The following PCDHA1 variants were observed in gnomAD, a reference collection of about 807,000 sequenced individuals.
The protein encoded by PCDHA1 is protocadherin alpha-1.
Under a neutral mutation model 61.3 loss-of-function variants are expected in PCDHA1, and 42 were observed. The observed-to-expected ratio is 0.69, with a 90% CI of 0.54 to 0.89. The LOEUF (loss-of-function observed/expected upper bound fraction) is 0.89. Ranked by LOEUF, PCDHA1 falls within the 40% of genes least tolerant of loss-of-function variation. PCDHA1 has a pLI of 0.00. For missense variants in PCDHA1, 1,256 were observed against 1,235.3 expected (o/e 1.02, Z -0.25); for synonymous variants, 610 against 553.8 (o/e 1.10, Z -1.43).
chr5:141,002,656 C>T lies in PCDHA1; in HGVS notation c.2543-6971C>T, dbSNP rs115710244. Among the ~76,000 whole-genome samples the T allele has an allele frequency of 3.7e-3, 571 of 152,302 alleles. 5 individuals are homozygous for T. The highest frequency in any genetic ancestry group is 0.013 in the African/African-American group (539 of 41,574). On this transcript the variant is annotated intron_variant, in intron 3 of 3. Coordinates refer to ENST00000504120, the MANE Select transcript of PCDHA1 (RefSeq NM_018900.4). The stretch of plus-strand genomic sequence containing the variant: ...CTAGAAATGTCTACTTCATAGGGCT[C>T]TTGTCAGGACCAAAACCTATACGAC...
Position 140,920,646 on chromosome 5 carries a change from C to T in PCDHA1, c.2395-58303C>T, listed in dbSNP as rs1210828369. Among the ~76,000 whole-genome samples, 4 of 152,014 alleles carry T rather than the reference C, an allele frequency of 2.6e-5. No individual in the cohort carries two copies. In the South Asian group the frequency reaches 8.3e-4, roughly 32 times the overall value. On this transcript the variant is annotated intron_variant, in intron 1 of 3. Coordinates refer to ENST00000504120, the MANE Select transcript of PCDHA1 (RefSeq NM_018900.4). ...GGATCACAAGGTCAAGAGATTGAGA[C>T]CATCCTTGCCAACATGGTGAAACCC...
At chr5:140,936,640 C>T (rs782162757) in intron 1 of PCDHA1, among the ~76,000 whole-genome samples, 2 of 152,208 alleles carry the variant, frequency 1.3e-5, no homozygotes, top group Non-Finnish European at 2.9e-5. Flanking sequence ...TCATAAGCAA[C>T]GTGACTTTAT....
chr5:140,841,654 C>A lies in PCDHA1; in HGVS notation c.2394+52970C>A, dbSNP rs1270188852. The A allele has an allele frequency of 6.2e-6, 10 of 1,613,990 alleles. No homozygotes were observed. In the East Asian group the frequency reaches 1.3e-4, roughly 22 times the overall value. On this transcript the variant is annotated intron_variant, in intron 1 of 3. Transcript: ENST00000504120. ...GCATCCACCTGGAGGTGATCGTGGA[C>A]AGGCCGCTGCAGGTTTTCCATGTGG...
intron 1 of PCDHA1, chr5:140,848,382 ACTCT>A (rs1581148542): frequency 1.7e-6 from 2 of 1,188,866 alleles, no homozygotes; most frequent in Non-Finnish European, 2.4e-6. Flanking sequence ...ATTCTTTTTC[ACTCT>A]CTCTGTGCTG....
At chr5:140,865,675 A>G (rs564629506) in intron 1 of PCDHA1, 8 of 152,324 alleles carry the variant, frequency 5.3e-5, no homozygotes, top group African/African-American at 1.9e-4. Flanking sequence ...AACAATTTCT[A>G]AAGTACATAT....
chr5:140,904,700 C>A (rs1228017325), intron 1 of PCDHA1, among the ~76,000 whole-genome samples: 1 of 152,028 alleles, frequency 6.6e-6, no homozygotes, highest in Non-Finnish European at 1.5e-5. Flanking sequence ...AAATTGTTCC[C>A]TTTTCACCAC....
chr5:140,892,144 G>T (rs549500463), intron 1 of PCDHA1, among the ~76,000 whole-genome samples: 1 of 152,102 alleles, frequency 6.6e-6, no homozygotes, highest in Non-Finnish European at 1.5e-5. Context: ...TGGTTTTAGC[G>T]TCTATTTCTG....
intron 1 of PCDHA1, chr5:140,857,693 A>T: frequency 6.3e-7 from 1 of 1,597,022 alleles, no homozygotes; most frequent in Non-Finnish European, 8.6e-7. Context: ...CAGCAACTTG[A>T]CGCTGCAGGT....
chr5:140,957,438 A>T (rs1554222966), intron 1 of PCDHA1, among the ~76,000 whole-genome samples: 1 of 152,216 alleles, frequency 6.6e-6, no homozygotes, highest in Non-Finnish European at 1.5e-5. Context: ...TGCCTAATTT[A>T]TAAATCACAC....
intron 3 of PCDHA1, among the ~76,000 whole-genome samples, chr5:141,005,708 A>G (rs1245739768): frequency 6.8e-6 from 1 of 146,360 alleles, no homozygotes; most frequent in Non-Finnish European, 1.5e-5. Context: ...TCTCAAAAAA[A>G]AAAAAAAAAA....
intron 1 of PCDHA1, chr5:140,805,447 G>A (rs1483503770): frequency 9.6e-7 from 1 of 1,036,964 alleles, no homozygotes; most frequent in African/African-American, 1.7e-5. Context: ...TTGTGTGTGT[G>A]TGTTTGTGTG....
intron 2 of PCDHA1, 83 bp from the exon 3 acceptor site, chr5:140,982,392 T>C: frequency 6.3e-7 from 1 of 1,598,158 alleles, no homozygotes. Context: ...GGCTTCATAG[T>C]TGTAAGCAAT....
intron 1 of PCDHA1, chr5:140,926,648 G>A (rs1319870606): frequency 2.5e-5 from 12 of 475,704 alleles, no homozygotes; most frequent in Non-Finnish European, 3.5e-6. Context: ...CACCCGGCCG[G>A]CTCCGCTTTC....
rs536777034 is a variant in PCDHA1 at position 140,985,803 on chromosome 5, G to A, written c.2542+3240G>A. Among the ~76,000 whole-genome samples the A allele has an allele frequency of 1.3e-4, 18 of 139,858 alleles. No individual in the cohort carries two copies. In the East Asian group the frequency reaches 1.8e-3, roughly 14 times the overall value. The allele number at this position is 139,858 out of a possible 152,430, so 91.8% of individuals were successfully genotyped here. A position where few individuals can be genotyped will look rare whatever the true frequency, so the allele number is the denominator to read the frequency against. Reference sequence around the variant, plus strand: ...CGCCCAGGCTGGAGTGCAGTGGCACGATCTCAGCTCACAACAAGCTCTGCC... The same window carrying A: ...CGCCCAGGCTGGAGTGCAGTGGCACAATCTCAGCTCACAACAAGCTCTGCC... On this transcript the variant is annotated intron_variant, in intron 3 of 3. Transcript: ENST00000504120.
chr5:140,797,144 C>G (rs782005280), intron 1 of PCDHA1: 1 of 1,613,960 alleles, frequency 6.2e-7, no homozygotes, highest in Non-Finnish European at 8.5e-7. Context: ...TCGGTGCCAC[C>G]CACCGAGGGT....
chr5:140,899,936 T>G (rs1443562291), intron 1 of PCDHA1, among the ~76,000 whole-genome samples: 1 of 152,064 alleles, frequency 6.6e-6, no homozygotes, highest in Non-Finnish European at 1.5e-5. Flanking sequence ...GCCTCCTGAA[T>G]AGCTGGGACC....
chr5:140,860,479 C>T (rs1348082358), intron 1 of PCDHA1: 1 of 152,030 alleles, frequency 6.6e-6, no homozygotes, highest in Non-Finnish European at 1.5e-5. Context: ...TGCAGTAGTA[C>T]TTTATTTAGG....
chr5:140,823,471 G>A (rs1554129365), intron 1 of PCDHA1: 8 of 1,613,470 alleles, frequency 5.0e-6, no homozygotes, highest in Non-Finnish European at 6.8e-6. Context: ...GGCGCTGCTG[G>A]TGCCTCGAGT....
At chr5:140,829,519 G>C (rs2150169302) in intron 1 of PCDHA1, 3 of 1,613,422 alleles carry the variant, frequency 1.9e-6, no homozygotes, top group African/African-American at 1.3e-5. Flanking sequence ...ACATCTTCAC[G>C]GTGTCTGCGC....
Sources: gnomAD v4.1 joint callset for allele counts (sites outside exome capture counted in the v4.1 genomes callset) on GRCh38, gnomAD v4.1.1 for gene constraint, MANE v1.5 for transcripts, NCBI Gene and HGNC (gene_info 2026-07-23, HGNC 2026-07-21) for gene names.